SPIDR: variants seen among roughly 807,000 people sequenced by gnomAD.
The protein encoded by SPIDR is scaffold protein involved in DNA repair.
In SPIDR, 93 loss-of-function variants were observed where a neutral mutation model predicts 104.6. The observed-to-expected ratio is 0.89, with a 90% CI of 0.75 to 1.06. SPIDR has a LOEUF of 1.06. SPIDR is among the 50% of genes least tolerant of loss of function. The pLI, the probability that SPIDR is intolerant of heterozygous loss-of-function variation, is 0.00. For missense variants in SPIDR, 1,154 were observed against 1,111.2 expected (o/e 1.04, Z -0.55); for synonymous variants, 431 against 416.9 (o/e 1.03, Z -0.41).
At chr8:47,481,498 A>T (rs1262264090) in intron 8 of SPIDR, among the ~76,000 whole-genome samples, 1 of 152,150 alleles carries the variant, frequency 6.6e-6, no homozygotes, top group African/African-American at 2.4e-5. Context: ...AAAATTAGCA[A>T]GGCAGGGTGG....
At chr8:47,336,610 A>T (rs2049802380) in intron 5 of SPIDR, among the ~76,000 whole-genome samples, 1 of 152,200 alleles carries the variant, frequency 6.6e-6, no homozygotes, top group African/African-American at 2.4e-5. Flanking sequence ...GTTCTTTGAT[A>T]TTTTTTGAGA....
intron 10 of SPIDR, among the ~76,000 whole-genome samples, chr8:47,613,992 G>A (rs2063933084): frequency 1.3e-5 from 2 of 152,038 alleles, no homozygotes; most frequent in South Asian, 4.1e-4. Flanking sequence ...ACATGCATTA[G>A]CTATTTATCC....
At chr8:47,511,762 T>C in intron 8 of SPIDR, 1 of 1,301,546 alleles carries the variant, frequency 7.7e-7, no homozygotes, top group Non-Finnish European at 1.1e-6. Flanking sequence ...AGCTCCATGC[T>C]CTTTGGCACC....
Position 47,284,108 on chromosome 8 carries a change from T to G in SPIDR, c.256+14T>G. The G allele has an allele frequency of 2.5e-6, 4 of 1,595,304 alleles. No individual in the cohort carries two copies. In the African/African-American group the frequency reaches 4.0e-5, roughly 16 times the overall value. On this transcript the variant is annotated intron_variant, in intron 3 of 19. Coordinates refer to ENST00000297423, the MANE Select transcript of SPIDR (RefSeq NM_001080394.4). The stretch of plus-strand genomic sequence containing the variant: ...GACCCAAGCAAGGTAACTATTTTGT[T>G]GATTTCTTGACAGAGAAGATATAAG...
intron 5 of SPIDR, among the ~76,000 whole-genome samples, chr8:47,317,500 T>G (rs1231611548): frequency 9.2e-5 from 14 of 152,152 alleles, no homozygotes; most frequent in Admixed American, 9.2e-4. Flanking sequence ...GAGGCCTGCC[T>G]GCCTCTGTAG....
At chr8:47,324,538 A>G (rs2047338750) in intron 5 of SPIDR, among the ~76,000 whole-genome samples, 1 of 152,146 alleles carries the variant, frequency 6.6e-6, no homozygotes, top group Non-Finnish European at 1.5e-5. Flanking sequence ...ACCTTATAAG[A>G]TGTTTTATCT....
intron 5 of SPIDR, among the ~76,000 whole-genome samples, chr8:47,355,271 TAAAAAAA>T (rs34902790): frequency 1.7e-5 from 2 of 116,568 alleles, no homozygotes; most frequent in African/African-American, 6.6e-5. Context: ...AGGTTTTTTG[TAAAAAAA>T]AAAAAAAAAA....
At chr8:47,486,243 A>G (rs1372431390) in intron 8 of SPIDR, among the ~76,000 whole-genome samples, 5 of 152,246 alleles carry the variant, frequency 3.3e-5, no homozygotes, top group Non-Finnish European at 7.3e-5. Context: ...AACTGAAAGA[A>G]AAGGTATCAG....
chr8:47,459,555 G>A (rs1432911779), intron 8 of SPIDR, among the ~76,000 whole-genome samples: 1 of 151,790 alleles, frequency 6.6e-6, no homozygotes, highest in African/African-American at 2.4e-5. Context: ...CTAATGATCT[G>A]TCAGTTTATC....
chr8:47,424,896 A>T (rs781924335), intron 7 of SPIDR, among the ~76,000 whole-genome samples: 15 of 152,244 alleles, frequency 9.9e-5, no homozygotes, highest in Non-Finnish European at 1.2e-4. Flanking sequence ...ACCCCTGGGT[A>T]ATTTTTGTAT....
At chr8:47,586,320 A>G (rs1408051833) in intron 8 of SPIDR, among the ~76,000 whole-genome samples, 1 of 152,090 alleles carries the variant, frequency 6.6e-6, no homozygotes, top group Non-Finnish European at 1.5e-5. Flanking sequence ...AAAGAAAAAA[A>G]CTGCCAAACT....
chr8:47,459,759 T>C (rs2073635062), intron 8 of SPIDR, among the ~76,000 whole-genome samples: 1 of 152,112 alleles, frequency 6.6e-6, no homozygotes, highest in Admixed American at 6.6e-5. Flanking sequence ...AGACTTTTTG[T>C]TGTGGGCATT....
rs756281302 is a variant in SPIDR at position 47,673,821 on chromosome 8, A to G, written c.1565A>G (p.Asp522Gly). 3.3e-5 allele frequency: 53 copies of G among 1,614,046 alleles called. No homozygotes were observed. The African/African-American group carries it at 6.7e-4, about 20-fold the overall frequency. Residue 522 changes from aspartate (D) to glycine (G), a missense_variant, in exon 11 of 20, where the codon GAT (aspartate) becomes GGT (glycine). Asp to Gly is a moderately conservative substitution (Grantham distance 94). Coordinates refer to ENST00000297423, the MANE Select transcript of SPIDR (RefSeq NM_001080394.4). ...TACAGAGCCTGCCTTCTGGTACAAG[A>G]TGCCTGTGGAATGTTCGGTGAAGTG... ...AGTRACLLVQ[D>G]ACGMFGEVHL...
intron 14 of SPIDR, among the ~76,000 whole-genome samples, chr8:47,710,622 C>G (rs2081730472): frequency 6.6e-6 from 1 of 152,120 alleles, no homozygotes; most frequent in Non-Finnish European, 1.5e-5. Flanking sequence ...CCATGTGCCT[C>G]CACGCCTGGC....
At chr8:47,577,825 C>T (rs891109843) in intron 8 of SPIDR, among the ~76,000 whole-genome samples, 2 of 152,152 alleles carry the variant, frequency 1.3e-5, no homozygotes, top group Non-Finnish European at 2.9e-5. Flanking sequence ...GGCCCCACCC[C>T]AGACCTGCTG....
intron 1 of SPIDR, among the ~76,000 whole-genome samples, chr8:47,271,405 C>CT (rs1300964476): frequency 6.6e-6 from 1 of 152,070 alleles, no homozygotes; most frequent in African/African-American, 2.4e-5. Flanking sequence ...TCTTTACACT[C>CT]TTTTTTTCCT....
At chr8:47,288,680 A>C (rs1304004946) in intron 3 of SPIDR, among the ~76,000 whole-genome samples, 1 of 152,234 alleles carries the variant, frequency 6.6e-6, no homozygotes, top group African/African-American at 2.4e-5. Context: ...AGCTATTTAG[A>C]TAGATATAGA....
intron 5 of SPIDR, among the ~76,000 whole-genome samples, chr8:47,378,783 C>G (rs1554643851): frequency 1.3e-5 from 2 of 152,198 alleles, no homozygotes; most frequent in Non-Finnish European, 2.9e-5. Context: ...GTGGCACTTG[C>G]CAAAAGTCCA....
chr8:47,609,653 G>A (rs1461869614), intron 10 of SPIDR, among the ~76,000 whole-genome samples: 1 of 152,010 alleles, frequency 6.6e-6, no homozygotes, highest in Non-Finnish European at 1.5e-5. Flanking sequence ...CTAGTGTTTG[G>A]TTACAGCTAT....
Sources: gnomAD v4.1 joint callset for allele counts (sites outside exome capture counted in the v4.1 genomes callset) on GRCh38, gnomAD v4.1.1 for gene constraint, MANE v1.5 for transcripts, NCBI Gene and HGNC (gene_info 2026-07-23, HGNC 2026-07-21) for gene names.